The following KIRREL1 variants were observed in gnomAD, a reference collection of about 807,000 sequenced individuals.
KIRREL1 encodes kirre like nephrin family adhesion molecule 1, also known as kin of IRRE-like protein 1.
In KIRREL1, 25 loss-of-function variants were observed where a neutral mutation model predicts 83.3. That is an observed-to-expected ratio of 0.30 (90% CI 0.22 to 0.42). The LOEUF is 0.42. Among genes scored for constraint, KIRREL1 ranks in the 10% least tolerant of loss-of-function variants. KIRREL1 has a pLI of 1.00. For missense variants in KIRREL1, 812 were observed against 1,032.3 expected (o/e 0.79, Z 2.92); for synonymous variants, 388 against 410.4 (o/e 0.95, Z 0.66).
At chr1:158,064,284 G>C (rs528292802) in intron 1 of KIRREL1, among the ~76,000 whole-genome samples, 1 of 152,240 alleles carries the variant, frequency 6.6e-6, no homozygotes, top group Admixed American at 6.5e-5. Flanking sequence ...TTGGCGTCAT[G>C]GTTAACTGCC....
intron 4 of KIRREL1, among the ~76,000 whole-genome samples, chr1:158,086,180 C>T (rs749160204): frequency 3.3e-5 from 5 of 151,964 alleles, no homozygotes; most frequent in Non-Finnish European, 7.4e-5. Context: ...AGTGTAAGGT[C>T]GGGGAGGAGG....
intron 1 of KIRREL1, among the ~76,000 whole-genome samples, chr1:157,998,451 G>A (rs1264704493): frequency 6.6e-6 from 1 of 152,170 alleles, no homozygotes; most frequent in Non-Finnish European, 1.5e-5. Context: ...TTGATGATAT[G>A]ATAAATCTAG....
chr1:158,080,158 C>A (rs1661808691), intron 3 of KIRREL1, among the ~76,000 whole-genome samples: 3 of 152,102 alleles, frequency 2.0e-5, no homozygotes, highest in African/African-American at 7.2e-5. Flanking sequence ...TCTTAGGAAA[C>A]CTTCTTCTTT....
At chr1:157,996,375 G>A (rs1304887550) in intron 1 of KIRREL1, among the ~76,000 whole-genome samples, 1 of 152,088 alleles carries the variant, frequency 6.6e-6, no homozygotes, top group Admixed American at 6.5e-5. Context: ...GTCTCGGGGA[G>A]GAGAAATTGA....
intron 1 of KIRREL1, among the ~76,000 whole-genome samples, chr1:158,060,397 C>G (rs540450191): frequency 6.6e-6 from 1 of 152,198 alleles, no homozygotes; most frequent in Non-Finnish European, 1.5e-5. Context: ...GGCCCTCACA[C>G]TTCTATCTTT....
At position 157,995,774 on chromosome 1, in the gene KIRREL1, G is replaced by A. The variant is rs543961820; in HGVS notation, c.52+2046G>A. Among the ~76,000 whole-genome samples, 24 of 152,244 alleles carry A rather than the reference G, an allele frequency of 1.6e-4. 1 individual carries two copies. In the South Asian group the frequency reaches 4.8e-3, roughly 30 times the overall value. ...CTCTGCTCCAACAGGGGTGAAAGCA[G>A]GACCTGGTGAAAGTGTCTGGGGTTG... On this transcript the variant is annotated intron_variant, in intron 1 of 14. Transcript: ENST00000359209.
At chr1:158,005,597 G>A (rs1005338000) in intron 1 of KIRREL1, among the ~76,000 whole-genome samples, 1 of 151,748 alleles carries the variant, frequency 6.6e-6, no homozygotes, top group Non-Finnish European at 1.5e-5. Flanking sequence ...AATGGGAGAT[G>A]TGGGGGAAAG....
chr1:158,073,022 G>T (rs1398783516), intron 1 of KIRREL1, among the ~76,000 whole-genome samples: 5 of 152,188 alleles, frequency 3.3e-5, no homozygotes. Context: ...ACAGGACTTG[G>T]TGAAGGGAGA....
At chr1:158,012,467 T>C (rs972463773) in intron 1 of KIRREL1, among the ~76,000 whole-genome samples, 7 of 152,204 alleles carry the variant, frequency 4.6e-5, no homozygotes, top group Non-Finnish European at 1.0e-4. Context: ...CTGCATAGAA[T>C]GTGTGGCTTG....
chr1:158,091,261 G>T (rs1662186531), intron 10 of KIRREL1, 97 bp from the exon 11 acceptor site: 1 of 1,118,642 alleles, frequency 8.9e-7, no homozygotes, highest in South Asian at 1.5e-5. Context: ...ATGGCACATA[G>T]GGGTGAGGGT....
At chr1:158,008,599 T>A (rs1034580903) in intron 1 of KIRREL1, among the ~76,000 whole-genome samples, 6 of 151,938 alleles carry the variant, frequency 3.9e-5, no homozygotes, top group Admixed American at 2.0e-4. Context: ...TTTCTGTTTG[T>A]GGGGAGCAGG....
chr1:158,080,279 A>G (rs1327630563), intron 3 of KIRREL1, among the ~76,000 whole-genome samples: 1 of 152,100 alleles, frequency 6.6e-6, no homozygotes, highest in African/African-American at 2.4e-5. Flanking sequence ...CTGCTACCTT[A>G]TCACAGAGAT....
chr1:157,993,755 C>T, intron 1 of KIRREL1, 27 bp downstream of exon 1: 2 of 1,432,624 alleles, frequency 1.4e-6, no homozygotes, highest in Non-Finnish European at 1.9e-6. Context: ...CACCCCCGGA[C>T]GCTCGGCTTC....
intron 1 of KIRREL1, among the ~76,000 whole-genome samples, chr1:158,059,543 C>T (rs914466941): frequency 4.6e-5 from 7 of 152,098 alleles, no homozygotes; most frequent in Non-Finnish European, 7.4e-5. Flanking sequence ...TGAGGGCCCT[C>T]ATCTCTCCAG....
intron 1 of KIRREL1, among the ~76,000 whole-genome samples, chr1:158,060,780 G>C (rs935580129): frequency 6.6e-6 from 1 of 152,128 alleles, no homozygotes; most frequent in Non-Finnish European, 1.5e-5. Context: ...GCTGGAGTCG[G>C]GGCTTGAAGC....
intron 1 of KIRREL1, among the ~76,000 whole-genome samples, chr1:158,062,272 C>T (rs960979238): frequency 1.3e-5 from 2 of 152,322 alleles, no homozygotes; most frequent in South Asian, 4.1e-4. Flanking sequence ...GAAGTTCTAC[C>T]TCTGGATGCT....
chr1:157,993,771 G>C, intron 1 of KIRREL1, 43 bp downstream of exon 1: 1 of 1,341,322 alleles, frequency 7.5e-7, no homozygotes, highest in South Asian at 1.5e-5. Flanking sequence ...GCTTCCCCCC[G>C]GGGCCGGGGC....
chr1:158,030,156 C>T (rs1571550498), intron 1 of KIRREL1, among the ~76,000 whole-genome samples: 1 of 152,214 alleles, frequency 6.6e-6, no homozygotes, highest in Non-Finnish European at 1.5e-5. Context: ...CTAGAACCCA[C>T]ATCTTCCTGT....
chr1:158,060,270 TG>T (rs34755139), intron 1 of KIRREL1, among the ~76,000 whole-genome samples: 1 of 152,206 alleles, frequency 6.6e-6, no homozygotes, highest in Admixed American at 6.5e-5. Flanking sequence ...GCTCACATTC[TG>T]GGGATCTCTG....
Sources: gnomAD v4.1 joint callset for allele counts (sites outside exome capture counted in the v4.1 genomes callset) on GRCh38, gnomAD v4.1.1 for gene constraint, MANE v1.5 for transcripts, NCBI Gene and HGNC (gene_info 2026-07-23, HGNC 2026-07-21) for gene names.